Variants in SLC12A2 observed in about 807,000 individuals in gnomAD.
The protein encoded by SLC12A2 is solute carrier family 12 member 2.
In SLC12A2, 67 loss-of-function variants were observed where a neutral mutation model predicts 136.3. That is an observed-to-expected ratio of 0.49 (90% CI 0.40 to 0.60). The LOEUF is 0.60. Ranked by LOEUF, SLC12A2 falls within the 20% of genes least tolerant of loss-of-function variation. The pLI, the probability that SLC12A2 is intolerant of heterozygous loss-of-function variation, is 0.00. For missense variants in SLC12A2, 1,322 were observed against 1,534.7 expected (o/e 0.86, Z 2.32); for synonymous variants, 619 against 562.9 (o/e 1.10, Z -1.41).
Position 128,138,883 on chromosome 5 carries a change from T to A in SLC12A2, c.1596T>A (p.Val532=). The change falls in exon 9 of 27, where the codon GTT becomes GTA. Residue 532 remains valine, a synonymous_variant. Coordinates refer to ENST00000262461, the MANE Select transcript of SLC12A2 (RefSeq NM_001046.3). ...TLLAILITTL[V]YVGIAVSVGS... ...TAGCCATTTTAATTACTACATTGGT[T>A]TACGTAGGAATTGCAGTATCTGTAG... 6.2e-7 allele frequency: 1 copy of A among 1,612,430 alleles called. No homozygotes were observed. Among genetic ancestry groups the A allele is most frequent in the South Asian group, 1.1e-5 (1 of 90,850 alleles).
At position 128,150,967 on chromosome 5, in the gene SLC12A2, A is replaced by ATT. The variant is rs759262744; in HGVS notation, c.2108-265_2108-264dup. 9.4e-5 allele frequency among the ~76,000 whole-genome samples: 14 copies of ATT among 149,428 alleles called. No individual in the cohort carries two copies. The East Asian group carries it at 2.7e-3, about 29-fold the overall frequency. On this transcript the variant is annotated intron_variant, in intron 13 of 26. Transcript: ENST00000262461. ...TTTAACATTCACCTAAGGTAGGTTGATTTTTTTTTTATGAAGAGTTTATTG... is the reference window on the plus strand; with the variant it reads ...TTTAACATTCACCTAAGGTAGGTTGATTTTTTTTTTTTATGAAGAGTTTATTG...
At chr5:128,121,148 A>G (rs1485771250) in intron 4 of SLC12A2, among the ~76,000 whole-genome samples, 2 of 152,324 alleles carry the variant, frequency 1.3e-5, no homozygotes, top group South Asian at 2.1e-4. Context: ...ATCAATCTAG[A>G]AAAGTTGTAC....
chr5:128,144,636 T>C (rs1378121971), intron 10 of SLC12A2, among the ~76,000 whole-genome samples: 4 of 152,162 alleles, frequency 2.6e-5, no homozygotes, highest in Non-Finnish European at 5.9e-5. Context: ...TTCATACCTC[T>C]TCTTAAGCCT....
At chr5:128,115,135 T>C (rs969298107) in intron 4 of SLC12A2, among the ~76,000 whole-genome samples, 1 of 152,144 alleles carries the variant, frequency 6.6e-6, no homozygotes, top group Non-Finnish European at 1.5e-5. Flanking sequence ...TTAATTAATA[T>C]ATTTATTTGG....
At position 128,167,827 on chromosome 5, in the gene SLC12A2, G is replaced by C; in HGVS notation, c.2683G>C (p.Ala895Pro). ...VLGFKKDWLQADMRDVDMYIN... is the reference protein window; with the variant it reads ...VLGFKKDWLQPDMRDVDMYIN... ...TGGATTTAAGAAAGATTGGTTGCAA[G>C]CAGATATGAGGGATGTGGATATGTA... The change falls in exon 18 of 27, where the codon GCA becomes CCA. Residue 895 changes from alanine (A) to proline (P), a missense_variant. Physicochemically the swap from Ala to Pro is conservative, Grantham distance 27. This residue lies in a region of SLC12A2 where 226 missense variants were observed against 210.4 expected (regional missense o/e 1.07). Transcript: ENST00000262461. 1 of 1,608,270 alleles carries C rather than the reference G, an allele frequency of 6.2e-7. No individual in the cohort carries two copies. The highest frequency in any genetic ancestry group is 8.5e-7 in the Non-Finnish European group (1 of 1,177,030).
intron 15 of SLC12A2, among the ~76,000 whole-genome samples, chr5:128,155,833 G>A (rs1762854501): frequency 6.6e-6 from 1 of 152,090 alleles, no homozygotes; most frequent in South Asian, 2.1e-4. Flanking sequence ...TTTTTGATCT[G>A]ATTAGATTTT....
In SLC12A2 at chr5:128,112,942, A is replaced by T. The variant is rs369586191; in HGVS notation, c.876+9A>T. 2 of 1,574,904 alleles carry T rather than the reference A, an allele frequency of 1.3e-6. No individual in the cohort carries two copies. Among genetic ancestry groups the T allele is most frequent in the Non-Finnish European group, 1.7e-6 (2 of 1,166,052 alleles). On this transcript the variant is annotated intron_variant, in intron 2 of 26. Transcript: ENST00000262461. ...GGATCAAGGGTGTATTAGTATGTAT[A>T]TATAGACTTAATTTTATAGTTACAG...
chr5:128,160,790 C>T lies in SLC12A2; in HGVS notation c.2476-870C>T, dbSNP rs780951466. On this transcript the variant is annotated intron_variant, in intron 16 of 26. Transcript: ENST00000262461. ...AGTGTATATTGTATACCTCATGTCT[C>T]ATCCCCAGCTAATTGTTCTGCTTAT... Among the ~76,000 whole-genome samples the T allele has an allele frequency of 2.7e-4, 41 of 151,970 alleles. 1 individual carries two copies. Among genetic ancestry groups the T allele is most frequent in the Non-Finnish European group, 4.9e-4 (33 of 67,980 alleles).
At chr5:128,110,410 GAGGGCAAGACA>G (rs769970002) in intron 1 of SLC12A2, 1 of 1,041,422 alleles carries the variant, frequency 9.6e-7, no homozygotes, top group Non-Finnish European at 1.5e-6. Flanking sequence ...GCTGTCTTGA[GAGGGCAAGACA>G]GCCGCAAAGG....
chr5:128,185,430 G>A (rs1231512423), intron 26 of SLC12A2, among the ~76,000 whole-genome samples: 1 of 152,040 alleles, frequency 6.6e-6, no homozygotes, highest in Non-Finnish European at 1.5e-5. Context: ...TCTGGAACAT[G>A]TGTCCTTAGA....
At chr5:128,087,510 A>C (rs906488459) in intron 1 of SLC12A2, among the ~76,000 whole-genome samples, 14 of 152,184 alleles carry the variant, frequency 9.2e-5, no homozygotes, top group Non-Finnish European at 1.6e-4. Flanking sequence ...CCTGAAGGGT[A>C]AGTTGATGAT....
Position 128,151,392 on chromosome 5 carries a change from A to T in SLC12A2, c.2259A>T (p.Lys753Asn). The T allele has an allele frequency of 1.2e-6, 2 of 1,607,906 alleles. No homozygotes were observed. Among genetic ancestry groups the T allele is most frequent in the Non-Finnish European group, 1.7e-6 (2 of 1,178,378 alleles). Residue 753 changes from lysine to asparagine, a missense_variant, in exon 14 of 27, where the codon AAA (lysine) becomes AAT (asparagine). Physicochemically the swap from Lys to Asn is moderately conservative, Grantham distance 94. This residue lies in a region of SLC12A2 where 294 missense variants were observed against 436.6 expected (regional missense o/e 0.67). Coordinates refer to ENST00000262461, the MANE Select transcript of SLC12A2 (RefSeq NM_001046.3). Reference protein sequence around the residue: ...LGLYIYVTYKKPDVNWGSSTQ... With the variant: ...LGLYIYVTYKNPDVNWGSSTQ... ...TGTATATTTATGTTACCTACAAAAA[A>T]CCAGGTCAGTAGCCTTTTTTGTTTA... is the stretch of plus-strand genomic sequence containing the variant.
At chr5:128,125,164 G>C (rs1042897195) in intron 4 of SLC12A2, among the ~76,000 whole-genome samples, 1 of 152,190 alleles carries the variant, frequency 6.6e-6, no homozygotes, top group Non-Finnish European at 1.5e-5. Flanking sequence ...TAAGAGATAG[G>C]TCAGGCAGTC....
Position 128,149,963 on chromosome 5 carries a change from A to G in SLC12A2, c.2006-34A>G, listed in dbSNP as rs768990323. On this transcript the variant is annotated intron_variant, in intron 12 of 26. Transcript: ENST00000262461. ...AATTTTAAAAAGTTAAATGTCTAAT[A>G]CGTCAGTAAATCTCGCATGTGTTTG... 29 of 1,362,898 alleles carry G rather than the reference A, an allele frequency of 2.1e-5. No homozygotes were observed. The South Asian group carries it at 3.3e-4, about 15-fold the overall frequency. The allele number at this position is 1,362,898 out of a possible 1,614,324, so 84.4% of individuals were successfully genotyped here.
intron 19 of SLC12A2, among the ~76,000 whole-genome samples, chr5:128,174,153 T>G (rs1199252636): frequency 6.6e-6 from 1 of 152,178 alleles, no homozygotes; most frequent in East Asian, 1.9e-4. Context: ...AAATACAGTT[T>G]GTGTATCTAT....
chr5:128,163,152 T>C (rs181682435), intron 17 of SLC12A2, among the ~76,000 whole-genome samples: 1 of 152,164 alleles, frequency 6.6e-6, no homozygotes, highest in African/African-American at 2.4e-5. Flanking sequence ...CAAAATGTCC[T>C]GCAAATTTGG....
intron 7 of SLC12A2, among the ~76,000 whole-genome samples, chr5:128,136,757 T>C (rs1021833467): frequency 6.6e-6 from 1 of 152,156 alleles, no homozygotes; most frequent in Non-Finnish European, 1.5e-5. Flanking sequence ...ACAACTATTA[T>C]AGTGCTGACC....
intron 10 of SLC12A2, among the ~76,000 whole-genome samples, chr5:128,143,266 T>A (rs895939365): frequency 6.6e-6 from 1 of 152,212 alleles, no homozygotes; most frequent in African/African-American, 2.4e-5. Flanking sequence ...AATTGCTTTA[T>A]TTATAAATGG....
intron 9 of SLC12A2, among the ~76,000 whole-genome samples, chr5:128,141,146 A>G (rs928242664): frequency 6.6e-6 from 1 of 152,138 alleles, no homozygotes; most frequent in African/African-American, 2.4e-5. Context: ...GAAGTTTTCA[A>G]TTTTATGGAA....
Sources: gnomAD v4.1 joint callset for allele counts (sites outside exome capture counted in the v4.1 genomes callset) on GRCh38, gnomAD v4.1.1 for gene constraint, gnomAD v4.1.1 regional missense constraint, MANE v1.5 for transcripts, NCBI Gene and HGNC (gene_info 2026-07-23, HGNC 2026-07-21) for gene names.